NCKAP5: variants seen among roughly 807,000 people sequenced by gnomAD.
The protein encoded by NCKAP5 is NCK associated protein 5, also known as nck-associated protein 5.
A neutral mutation model predicts 167.0 loss-of-function variants in NCKAP5; 92 were observed. That is an observed-to-expected ratio of 0.55 (90% CI 0.47 to 0.66). The LOEUF (loss-of-function observed/expected upper bound fraction) is 0.66. Among genes scored for constraint, NCKAP5 ranks in the 30% least tolerant of loss-of-function variants. The pLI is 0.00. For missense variants in NCKAP5, 2,378 were observed against 2,315.0 expected, an observed-to-expected ratio of 1.03 and a Z score of -0.56; for synonymous variants, 891 against 877.4, an observed-to-expected ratio of 1.02 and a Z score of -0.27.
chr2:132,885,835 T>G (rs1574517186), intron 8 of NCKAP5, among the ~76,000 whole-genome samples: 1 of 152,252 alleles, frequency 6.6e-6, no homozygotes, highest in East Asian at 1.9e-4. Context: ...GTTTAATAGA[T>G]CCTTTTCCAC....
intron 8 of NCKAP5, among the ~76,000 whole-genome samples, chr2:132,882,615 C>A (rs896027888): frequency 6.6e-6 from 1 of 152,040 alleles, no homozygotes; most frequent in Non-Finnish European, 1.5e-5. Flanking sequence ...GTTGGTTTTT[C>A]CCCTCCTCCC....
chr2:133,197,912 T>G (rs968890905), intron 5 of NCKAP5, among the ~76,000 whole-genome samples: 5 of 151,924 alleles, frequency 3.3e-5, no homozygotes, highest in African/African-American at 1.2e-4. Context: ...ATCGTGCCAC[T>G]GCACTCCAGC....
the NCKAP5 span, among the ~76,000 whole-genome samples, chr2:133,613,001 G>A: frequency 6.6e-6 from 1 of 152,172 alleles, no homozygotes; most frequent in African/African-American, 2.4e-5. Flanking sequence ...CAAAGAGTGA[G>A]GAGAAACAGT....
upstream of NCKAP5, among the ~76,000 whole-genome samples, chr2:133,572,231 C>G (rs959457973): frequency 2.0e-5 from 3 of 152,204 alleles, no homozygotes; most frequent in Non-Finnish European, 4.4e-5. Flanking sequence ...CTAATATGAA[C>G]AGTGGTAACT....
intron 6 of NCKAP5, among the ~76,000 whole-genome samples, chr2:133,077,730 C>T (rs185931969): frequency 1.4e-4 from 21 of 152,308 alleles, no homozygotes; most frequent in Admixed American, 2.6e-4. Flanking sequence ...GCCATTCAAA[C>T]TCCTACAAGT....
chr2:132,704,024 C>A (rs995711233), intron 19 of NCKAP5, among the ~76,000 whole-genome samples: 1 of 152,122 alleles, frequency 6.6e-6, no homozygotes, highest in African/African-American at 2.4e-5. Flanking sequence ...ATCTCTTACC[C>A]TTCTCCTGCC....
chr2:133,309,474 C>T (rs1232419460), intron 3 of NCKAP5, among the ~76,000 whole-genome samples: 3 of 152,018 alleles, frequency 2.0e-5, no homozygotes, highest in African/African-American at 4.8e-5. Flanking sequence ...ATTAAGGGGG[C>T]TGAAGGTGGG....
At chr2:133,667,451 G>T in the NCKAP5 span, among the ~76,000 whole-genome samples, 1 of 152,024 alleles carries the variant, frequency 6.6e-6, no homozygotes, top group African/African-American at 2.4e-5. Flanking sequence ...TCAGTCTCTG[G>T]TAGGATCATT....
At chr2:133,167,641 C>T (rs962460636) in intron 5 of NCKAP5, among the ~76,000 whole-genome samples, 1 of 152,154 alleles carries the variant, frequency 6.6e-6, no homozygotes, top group African/African-American at 2.4e-5. Context: ...TTCAACTGCA[C>T]CATGATACCC....
intron 3 of NCKAP5, among the ~76,000 whole-genome samples, chr2:133,476,967 C>A (rs1575028475): frequency 6.6e-6 from 1 of 152,054 alleles, no homozygotes; most frequent in Non-Finnish European, 1.5e-5. Flanking sequence ...TTGAAATGAC[C>A]CAGGCTACCA....
At chr2:132,799,169 T>C (rs1259204485) in intron 11 of NCKAP5, among the ~76,000 whole-genome samples, 2 of 152,026 alleles carry the variant, frequency 1.3e-5, no homozygotes, top group Admixed American at 1.3e-4. Flanking sequence ...AAATACTGCA[T>C]GTTCTCACTT....
At chr2:133,383,516 A>T in intron 3 of NCKAP5, among the ~76,000 whole-genome samples, 1 of 152,192 alleles carries the variant, frequency 6.6e-6, no homozygotes, top group East Asian at 1.9e-4. Flanking sequence ...GTAGTGCTGC[A>T]ATAAACATAC....
At chr2:132,718,097 G>A (rs564383721) in intron 19 of NCKAP5, among the ~76,000 whole-genome samples, 1 of 152,188 alleles carries the variant, frequency 6.6e-6, no homozygotes, top group East Asian at 1.9e-4. Context: ...TCTCAGACTT[G>A]TTTCAGTCTG....
chr2:132,950,351 A>G (rs1444062562), intron 8 of NCKAP5, among the ~76,000 whole-genome samples: 2 of 152,192 alleles, frequency 1.3e-5, no homozygotes, highest in African/African-American at 2.4e-5. Context: ...AAATGTTATA[A>G]TATCATTATT....
At chr2:132,963,621 CA>C in intron 8 of NCKAP5, 98 bp downstream of exon 8, 3 of 1,278,536 alleles carry the variant, frequency 2.3e-6, no homozygotes, top group Non-Finnish European at 3.3e-6. Context: ...TGGGAGAACT[CA>C]AAAGGGAAGA....
rs538423696 is a variant in NCKAP5, at chr2:132,895,845, A to C, written c.580-16929T>G. ...AAAAAAAAAAAAAACAAAAAAAAAA[A>C]CACAGTAGGCCAGGCGCAGTGGCCC... is the stretch of plus-strand genomic sequence containing the variant. On this transcript the variant is annotated intron_variant, in intron 8 of 19. Coordinates refer to ENST00000409261, the MANE Select transcript of NCKAP5 (RefSeq NM_207363.3). Among the ~76,000 whole-genome samples, 395 of 151,436 alleles carry C rather than the reference A, an allele frequency of 2.6e-3. 5 individuals are homozygous for C. The highest frequency in any genetic ancestry group is 9.6e-3 in the Admixed American group (146 of 15,204).
At chr2:132,699,087 G>A (rs1463646276) in intron 19 of NCKAP5, among the ~76,000 whole-genome samples, 2 of 152,120 alleles carry the variant, frequency 1.3e-5, no homozygotes, top group Admixed American at 1.3e-4. Context: ...TATCATCATT[G>A]TACAGAAGAA....
chr2:133,490,494 G>C (rs1681345970), intron 3 of NCKAP5, among the ~76,000 whole-genome samples: 1 of 152,216 alleles, frequency 6.6e-6, no homozygotes, highest in Admixed American at 6.5e-5. Flanking sequence ...CCAAGGTTAT[G>C]ATTAAATCCC....
chr2:132,754,499 G>A (rs1680373404), intron 16 of NCKAP5, among the ~76,000 whole-genome samples: 1 of 152,188 alleles, frequency 6.6e-6, no homozygotes, highest in Admixed American at 6.5e-5. Flanking sequence ...TTATTAGGAA[G>A]TAATAACCAA....
Sources: allele counts gnomAD v4.1 joint callset (sites outside exome capture counted in the v4.1 genomes callset), GRCh38; gene constraint gnomAD v4.1.1; transcripts MANE v1.5; gene names NCBI Gene and HGNC (gene_info 2026-07-23, HGNC 2026-07-21).